The following PCDHGA8 variants were observed in gnomAD, a reference collection of about 807,000 sequenced individuals.
PCDHGA8 encodes protocadherin gamma subfamily A, 8, also known as protocadherin gamma-A8.
A neutral mutation model predicts 59.2 loss-of-function variants in PCDHGA8; 45 were observed. The observed-to-expected ratio is 0.76, with a 90% CI of 0.60 to 0.98. The LOEUF (loss-of-function observed/expected upper bound fraction) is 0.98. Ranked by LOEUF, PCDHGA8 falls within the 50% of genes least tolerant of loss-of-function variation. The pLI is 0.00. For synonymous variants in PCDHGA8, 531 were observed against 519.0 expected (o/e 1.02, Z -0.32); for missense variants, 1,257 against 1,196.2 (o/e 1.05, Z -0.75).
At chr5:141,423,424 T>C in intron 1 of PCDHGA8, 1 of 1,614,004 alleles carries the variant, frequency 6.2e-7, no homozygotes, top group Non-Finnish European at 8.5e-7. Flanking sequence ...TGAAGGCGGG[T>C]TGGCAGGTAT....
At chr5:141,452,119 TTCATATATGGC>T (rs1472213897) in intron 1 of PCDHGA8, among the ~76,000 whole-genome samples, 3 of 152,250 alleles carry the variant, frequency 2.0e-5, no homozygotes, top group African/African-American at 7.2e-5. Flanking sequence ...TTCTTATTTA[TTCATATATGGC>T]TCATGTGTTT....
At chr5:141,410,752 GT>G (rs2095421794) in intron 1 of PCDHGA8, 1 of 1,130,824 alleles carries the variant, frequency 8.8e-7, no homozygotes, top group Non-Finnish European at 1.2e-6. Context: ...TTTTCTCAAT[GT>G]TTTTTCAATT....
chr5:141,419,214 T>C lies in PCDHGA8; in HGVS notation c.2424+23977T>C. On this transcript the variant is annotated intron_variant, in intron 1 of 3. Coordinates refer to ENST00000398604, the MANE Select transcript of PCDHGA8 (RefSeq NM_032088.2). ...GACGTCAATGACAACGCGCCGGTTT[T>C]CGGACAGTCAGCCTACCTGGTCCAC... 1.9e-6 allele frequency: 3 copies of C among 1,613,986 alleles called. No individual in the cohort carries two copies. In the South Asian group the frequency reaches 3.3e-5, roughly 18 times the overall value.
chr5:141,460,848 C>T lies in PCDHGA8; in HGVS notation c.2425-33959C>T, dbSNP rs528601988. Among the ~76,000 whole-genome samples, 257 of 150,340 alleles carry T rather than the reference C, an allele frequency of 1.7e-3. 1 individual carries two copies. The highest frequency in any genetic ancestry group is 4.2e-3 in the Admixed American group (62 of 14,868). ...ACACTTAAAGTAATGGCCTCCAGTT[C>T]GATCCAAGTTGCTGCAAAGGACATT... is the stretch of plus-strand genomic sequence containing the variant. On this transcript the variant is annotated intron_variant, in intron 1 of 3. Transcript: ENST00000398604.
intron 3 of PCDHGA8, among the ~76,000 whole-genome samples, chr5:141,505,729 G>A (rs1026403192): frequency 7.9e-5 from 12 of 152,286 alleles, no homozygotes; most frequent in African/African-American, 2.9e-4. Flanking sequence ...AGGGAATAGT[G>A]GTTACAAGTC....
At chr5:141,433,264 G>T in intron 1 of PCDHGA8, 1 of 1,314,872 alleles carries the variant, frequency 7.6e-7, no homozygotes, top group South Asian at 1.4e-5. Flanking sequence ...TACGATCATA[G>T]CTCACTGCAG....
chr5:141,430,661 GCT>G, intron 1 of PCDHGA8: 1 of 1,159,744 alleles, frequency 8.6e-7, no homozygotes, highest in South Asian at 2.1e-5. Flanking sequence ...CAACGGAGGA[GCT>G]CTGACTTCCC....
At position 141,478,736 on chromosome 5, in the gene PCDHGA8, T is replaced by G; in HGVS notation, c.2425-16071T>G. On this transcript the variant is annotated intron_variant, in intron 1 of 3. Coordinates refer to ENST00000398604, the MANE Select transcript of PCDHGA8 (RefSeq NM_032088.2). Reference sequence around the variant, plus strand: ...TGGTGGCCTGCCAGAGTGTGGTTTGTGGTCCCATTTCAGGGGGAAGATACT... The same window carrying G: ...TGGTGGCCTGCCAGAGTGTGGTTTGGGGTCCCATTTCAGGGGGAAGATACT... 5 of 1,534,796 alleles carry G rather than the reference T, an allele frequency of 3.3e-6. No homozygotes were observed. In the South Asian group the frequency reaches 6.2e-5, roughly 19 times the overall value.
At position 141,463,796 on chromosome 5, in the gene PCDHGA8, G is replaced by A. The variant is rs139760353; in HGVS notation, c.2425-31011G>A. ...ATCCTGCACTGTCTTTTGAACAAAT[G>A]TCTAAAAGCTTTTATCACACATTTT... On this transcript the variant is annotated intron_variant, in intron 1 of 3. Coordinates refer to ENST00000398604, the MANE Select transcript of PCDHGA8 (RefSeq NM_032088.2). Among the ~76,000 whole-genome samples, 155 of 152,232 alleles carry A rather than the reference G, an allele frequency of 1.0e-3. 1 individual carries two copies. The highest frequency in any genetic ancestry group is 3.4e-3 in the African/African-American group (140 of 41,538).
intron 1 of PCDHGA8, chr5:141,410,481 G>C: frequency 6.2e-7 from 1 of 1,613,966 alleles, no homozygotes; most frequent in Non-Finnish European, 8.5e-7. Flanking sequence ...GCACATACGG[G>C]TACAAAAGAG....
chr5:141,435,718 G>T (rs2097776232), intron 1 of PCDHGA8, among the ~76,000 whole-genome samples: 1 of 152,150 alleles, frequency 6.6e-6, no homozygotes, highest in African/African-American at 2.4e-5. Context: ...GACACTGAAT[G>T]CTAAAGTGTA....
chr5:141,415,484 G>C (rs369349538), intron 1 of PCDHGA8: 18 of 1,614,102 alleles, frequency 1.1e-5, no homozygotes, highest in Non-Finnish European at 1.5e-5. Flanking sequence ...TCGCGAAAGA[G>C]TCACCTGATC....
chr5:141,510,568 G>C (rs2099881703), intron 3 of PCDHGA8, among the ~76,000 whole-genome samples: 1 of 152,100 alleles, frequency 6.6e-6, no homozygotes, highest in Non-Finnish European at 1.5e-5. Context: ...CATCTACCAG[G>C]CACTATTTTA....
At chr5:141,428,197 G>C in intron 1 of PCDHGA8, 3 of 1,385,972 alleles carry the variant, frequency 2.2e-6, no homozygotes, top group Non-Finnish European at 3.0e-6. Flanking sequence ...CGCTCTCTGC[G>C]CCGCTACGCT....
chr5:141,438,685 G>A (rs2098051190), intron 1 of PCDHGA8, among the ~76,000 whole-genome samples: 1 of 143,314 alleles, frequency 7.0e-6, no homozygotes, highest in Non-Finnish European at 1.5e-5. Context: ...GTAGGGGATG[G>A]AGTCTTGCTC....
chr5:141,403,690 T>G, intron 1 of PCDHGA8: 1 of 1,613,908 alleles, frequency 6.2e-7, no homozygotes, highest in Non-Finnish European at 8.5e-7. Context: ...CTCAACGGAT[T>G]TACCGAGTTA....
chr5:141,462,243 A>C (rs141980823), intron 1 of PCDHGA8, among the ~76,000 whole-genome samples: 70 of 152,368 alleles, frequency 4.6e-4, no homozygotes, highest in African/African-American at 1.6e-3. Flanking sequence ...TACAGGTATG[A>C]GCCACCATGA....
rs1332743231 is a variant in PCDHGA8 at position 141,432,967 on chromosome 5, G to A, written c.2424+37730G>A. 4 of 1,614,192 alleles carry A rather than the reference G, an allele frequency of 2.5e-6. No homozygotes were observed. In the East Asian group the frequency reaches 6.7e-5, roughly 27 times the overall value. On this transcript the variant is annotated intron_variant, in intron 1 of 3. Coordinates refer to ENST00000398604, the MANE Select transcript of PCDHGA8 (RefSeq NM_032088.2). The surrounding 1 kb of genome is among the most constrained non-coding windows in gnomAD (Gnocchi z 6.0). The stretch of plus-strand genomic sequence containing the variant: ...CAGGAGGCGGCTTGACAGGAGCGCC[G>A]GCGTCGCACTTTGTGGGCGTGGACG...
rs1328089059 is a variant in PCDHGA8, at chr5:141,478,532, G to A, written c.2425-16275G>A. 4.4e-6 allele frequency: 7 copies of A among 1,607,742 alleles called. No homozygotes were observed. The East Asian group carries it at 1.6e-4, about 36-fold the overall frequency. On this transcript the variant is annotated intron_variant, in intron 1 of 3. Coordinates refer to ENST00000398604, the MANE Select transcript of PCDHGA8 (RefSeq NM_032088.2). Reference sequence around the variant, plus strand: ...TAGGCAGGTGTTGGGTGCAGAGAGCGCCCCTCCCGGACAGGTAAGGTTTAG... The same window carrying A: ...TAGGCAGGTGTTGGGTGCAGAGAGCACCCCTCCCGGACAGGTAAGGTTTAG...
Sources: gnomAD v4.1 joint callset for allele counts (sites outside exome capture counted in the v4.1 genomes callset) on GRCh38, gnomAD v4.1.1 for gene constraint, Gnocchi (gnomAD v3.1) non-coding constraint, MANE v1.5 for transcripts, NCBI Gene and HGNC (gene_info 2026-07-23, HGNC 2026-07-21) for gene names.